CYTH3: variants seen among roughly 807,000 people sequenced by gnomAD.
CYTH3 encodes the protein cytohesin 3, also known as cytohesin-3.
In CYTH3, 23 loss-of-function variants were observed where a neutral mutation model predicts 55.1. That is an observed-to-expected ratio of 0.42 (90% CI 0.30 to 0.59). The LOEUF is 0.59. Among genes scored for constraint, CYTH3 ranks in the 20% least tolerant of loss-of-function variants. The pLI, the probability that CYTH3 is intolerant of heterozygous loss-of-function variation, is 0.20. For synonymous variants in CYTH3, 249 were observed against 194.9 expected (o/e 1.28, Z -2.31); for missense variants, 413 against 524.8 (o/e 0.79, Z 2.08).
In CYTH3 at chr7:6,171,335, T is replaced by C; in HGVS notation, c.450-21A>G. 2 of 1,611,966 alleles carry C rather than the reference T, an allele frequency of 1.2e-6. No homozygotes were observed. Among genetic ancestry groups the C allele is most frequent in the East Asian group, 2.2e-5 (1 of 44,852 alleles). ...ACTGCCTGTGGAGACACCAAAGCCA[T>C]GGGAAGCCGCATCAGAACCAACACC... is the stretch of plus-strand genomic sequence containing the variant. On this transcript the variant is annotated intron_variant, in intron 6 of 12. Coordinates refer to ENST00000350796, the MANE Select transcript of CYTH3 (RefSeq NM_004227.4). This position sits in a 1 kb window ranked among gnomAD's most constrained non-coding sequence, Gnocchi z 6.7.
intron 1 of CYTH3, among the ~76,000 whole-genome samples, chr7:6,232,128 C>T (rs925433580): frequency 6.6e-6 from 1 of 152,142 alleles, no homozygotes; most frequent in Non-Finnish European, 1.5e-5. Flanking sequence ...TCCACTAGAC[C>T]CATTGCCAAT....
intron 6 of CYTH3, 33 bp downstream of exon 6, chr7:6,173,620 T>A: frequency 6.9e-7 from 1 of 1,444,502 alleles, no homozygotes; most frequent in Non-Finnish European, 9.7e-7. Context: ...GCCTTCCCCA[T>A]CCACTCTACA....
rs1206644869 is a variant in CYTH3, at chr7:6,170,373, G to T, written c.823+162C>A. On this transcript the variant is annotated intron_variant, in intron 9 of 12. Coordinates refer to ENST00000350796, the MANE Select transcript of CYTH3 (RefSeq NM_004227.4). The surrounding 1 kb of genome is among the most constrained non-coding windows in gnomAD (Gnocchi z 7.8). ...GGCCCCGGCTCGGAGAAGCAGCCGT[G>T]GCCATGCAGCTACCGAGAGCGGGCT... is the stretch of plus-strand genomic sequence containing the variant. 6.6e-6 allele frequency among the ~76,000 whole-genome samples: 1 copy of T among 152,180 alleles called. No homozygotes were observed. Among genetic ancestry groups the T allele is most frequent in the Non-Finnish European group, 1.5e-5 (1 of 68,032 alleles).
intron 4 of CYTH3, among the ~76,000 whole-genome samples, chr7:6,182,086 C>T (rs1473392903): frequency 1.3e-5 from 2 of 151,978 alleles, no homozygotes; most frequent in Non-Finnish European, 2.9e-5. Flanking sequence ...TTGCTCTTAT[C>T]GCCCAGGCTG....
chr7:6,242,691 C>T (rs1779706602), intron 1 of CYTH3, among the ~76,000 whole-genome samples: 1 of 152,026 alleles, frequency 6.6e-6, no homozygotes, highest in African/African-American at 2.4e-5. Context: ...CTATGTAGGT[C>T]CAGGATCATT....
At chr7:6,214,313 T>C (rs1428221765) in intron 1 of CYTH3, among the ~76,000 whole-genome samples, 1 of 152,246 alleles carries the variant, frequency 6.6e-6, no homozygotes, top group Non-Finnish European at 1.5e-5. Flanking sequence ...TGTTGAAAAG[T>C]ATTTTGAAAA....
chr7:6,245,173 A>G (rs1434616938), intron 1 of CYTH3, among the ~76,000 whole-genome samples: 1 of 151,814 alleles, frequency 6.6e-6, no homozygotes, highest in African/African-American at 2.4e-5. Context: ...AGATTAGAAT[A>G]GGTAACCAAA....
At chr7:6,193,786 C>G (rs1783857930) in intron 1 of CYTH3, among the ~76,000 whole-genome samples, 1 of 152,178 alleles carries the variant, frequency 6.6e-6, no homozygotes, top group African/African-American at 2.4e-5. Flanking sequence ...AACAGAGAGA[C>G]TAGGGCACTT....
intron 1 of CYTH3, among the ~76,000 whole-genome samples, chr7:6,199,056 A>G (rs779030724): frequency 1.3e-5 from 2 of 152,242 alleles, no homozygotes; most frequent in Non-Finnish European, 2.9e-5. Context: ...ATGTTTCCAC[A>G]AGGAAAAAAC....
intron 4 of CYTH3, among the ~76,000 whole-genome samples, chr7:6,181,981 T>G (rs1363529997): frequency 6.6e-6 from 1 of 152,224 alleles, no homozygotes; most frequent in Non-Finnish European, 1.5e-5. Context: ...ATGATATTTA[T>G]AATATACACA....
Position 6,170,477 on chromosome 7 carries a change from G to T in CYTH3, c.823+58C>A. 6.6e-7 allele frequency: 1 copy of T among 1,513,358 alleles called. No individual in the cohort carries two copies. The highest frequency in any genetic ancestry group is 1.9e-5 in the Admixed American group (1 of 53,302). 93.7% of individuals were successfully genotyped at this position (1,513,358 alleles called of 1,614,324 possible). ...TACGATGAGCCTGGGAGGAACCCGA[G>T]GGGCTGCTGCCATGGGCAGAGGGGT... On this transcript the variant is annotated intron_variant, in intron 9 of 12. Transcript: ENST00000350796. This position sits in a 1 kb window ranked among gnomAD's most constrained non-coding sequence, Gnocchi z 7.8.
intron 1 of CYTH3, among the ~76,000 whole-genome samples, chr7:6,252,713 G>A (rs1015395194): frequency 2.0e-5 from 3 of 152,170 alleles, no homozygotes; most frequent in Admixed American, 1.3e-4. Flanking sequence ...GAGGGAAGAA[G>A]AAAAAGATGC....
At chr7:6,264,058 C>A (rs1161087548) in intron 1 of CYTH3, among the ~76,000 whole-genome samples, 1 of 151,900 alleles carries the variant, frequency 6.6e-6, no homozygotes, top group East Asian at 1.9e-4. Flanking sequence ...ACCAGCCTGG[C>A]CAACATGGTG....
At chr7:6,189,287 T>C (rs954692042) in intron 2 of CYTH3, among the ~76,000 whole-genome samples, 4 of 152,166 alleles carry the variant, frequency 2.6e-5, no homozygotes, top group Non-Finnish European at 5.9e-5. Context: ...CCCATGTTTG[T>C]GTGCCTGTGT....
chr7:6,250,743 T>G (rs997679248), intron 1 of CYTH3, among the ~76,000 whole-genome samples: 1 of 152,144 alleles, frequency 6.6e-6, no homozygotes, highest in African/African-American at 2.4e-5. Context: ...GTTCTAAAAT[T>G]AGATAGTGCT....
chr7:6,229,037 C>G (rs1461283608), intron 1 of CYTH3, among the ~76,000 whole-genome samples: 2 of 152,162 alleles, frequency 1.3e-5, no homozygotes, highest in South Asian at 4.1e-4. Context: ...GATAACCACA[C>G]CCCCTCTGAG....
At chr7:6,236,936 A>C (rs1490413307) in intron 1 of CYTH3, among the ~76,000 whole-genome samples, 1 of 152,176 alleles carries the variant, frequency 6.6e-6, no homozygotes, top group Non-Finnish European at 1.5e-5. Context: ...AAATTTACAA[A>C]TTTCCCAATT....
rs575117453 is a variant in CYTH3, at chr7:6,180,565, C to T, written c.250-2624G>A. Among the ~76,000 whole-genome samples, 72 of 152,322 alleles carry T rather than the reference C, an allele frequency of 4.7e-4. 1 individual carries two copies. Among genetic ancestry groups the T allele is most frequent in the African/African-American group, 1.6e-3 (66 of 41,568 alleles). ...CTAAGCAGCAATCCTGCCCACACCCCGATCTCGGACTTCTGGCCTCCTGAA... is the reference window on the plus strand; with the variant it reads ...CTAAGCAGCAATCCTGCCCACACCCTGATCTCGGACTTCTGGCCTCCTGAA... On this transcript the variant is annotated intron_variant, in intron 4 of 12. Coordinates refer to ENST00000350796, the MANE Select transcript of CYTH3 (RefSeq NM_004227.4).
intron 6 of CYTH3, chr7:6,172,696 G>T: frequency 1.8e-6 from 2 of 1,090,772 alleles, no homozygotes; most frequent in Non-Finnish European, 2.3e-6. Flanking sequence ...AGTCACAGCT[G>T]CAAGGGCCGC....
Sources: allele counts gnomAD v4.1 joint callset (sites outside exome capture counted in the v4.1 genomes callset), GRCh38; gene constraint gnomAD v4.1.1; non-coding constraint Gnocchi (gnomAD v3.1); transcripts MANE v1.5; gene names NCBI Gene and HGNC (gene_info 2026-07-23, HGNC 2026-07-21).